Variants in ZFPM1 observed in about 807,000 individuals in gnomAD.
ZFPM1 encodes zinc finger protein ZFPM1.
In ZFPM1, 28 loss-of-function variants were observed where a neutral mutation model predicts 46.3. That is an observed-to-expected ratio of 0.60 (90% CI 0.45 to 0.83). ZFPM1 has a LOEUF of 0.83. ZFPM1 is among the 40% of genes least tolerant of loss of function. ZFPM1 has a pLI of 0.00. For missense variants in ZFPM1, 1,878 were observed against 1,432.4 expected (o/e 1.31, Z -5.02); for synonymous variants, 957 against 675.9 (o/e 1.42, Z -6.45).
rs538681850 is a variant in ZFPM1, at chr16:88,486,039, C to G, written c.141C>G (p.Ser47Arg). 6.2e-7 allele frequency: 1 copy of G among 1,611,380 alleles called. No individual in the cohort carries two copies. The highest frequency in any genetic ancestry group is 8.5e-7 in the Non-Finnish European group (1 of 1,179,478). ...ATAPEAPSPP[S>R]ADVNSPPPLP... ...CACCTGAAGCCCCGAGCCCTCCCAG[C>G]GCAGGTGAGTCAGACTGAGCCCTCT... Residue 47 changes from serine (S) to arginine (R), a missense_variant, in exon 2 of 10, where the codon AGC (serine) becomes AGG (arginine). Transcript: ENST00000319555.
chr16:88,509,982 G>T (rs1328005892), intron 3 of ZFPM1, among the ~76,000 whole-genome samples: 2 of 152,142 alleles, frequency 1.3e-5, no homozygotes, highest in Non-Finnish European at 2.9e-5. Context: ...GAGCCCAGGG[G>T]TGAAGGCCAA....
intron 3 of ZFPM1, among the ~76,000 whole-genome samples, chr16:88,496,134 C>A (rs913281775): frequency 6.6e-6 from 1 of 152,200 alleles, no homozygotes; most frequent in Non-Finnish European, 1.5e-5. Flanking sequence ...CAGTGGCATC[C>A]ACTGCCCTTG....
At chr16:88,473,645 G>A (rs1438580692) in intron 1 of ZFPM1, among the ~76,000 whole-genome samples, 1 of 152,132 alleles carries the variant, frequency 6.6e-6, no homozygotes, top group Non-Finnish European at 1.5e-5. Flanking sequence ...CGTGAGCCGC[G>A]GCCCCCGCCC....
intron 1 of ZFPM1, among the ~76,000 whole-genome samples, chr16:88,472,587 C>T (rs983769922): frequency 6.6e-6 from 1 of 152,124 alleles, no homozygotes; most frequent in Admixed American, 6.5e-5. Flanking sequence ...CTCCTGACCT[C>T]GTGATCTGCC....
chr16:88,494,842 G>A (rs992458751), intron 3 of ZFPM1, among the ~76,000 whole-genome samples: 1 of 152,198 alleles, frequency 6.6e-6, no homozygotes, highest in Non-Finnish European at 1.5e-5. Context: ...CTCGGGTGGA[G>A]GCCACCAGGG....
In ZFPM1 at chr16:88,534,222, C is replaced by T. The variant is rs1913074951; in HGVS notation, c.2264C>T (p.Pro755Leu). 1.0e-6 allele frequency: 1 copy of T among 983,454 alleles called. No homozygotes were observed. Among genetic ancestry groups the T allele is most frequent in the Non-Finnish European group, 1.2e-6 (1 of 830,166 alleles). 60.9% of individuals were successfully genotyped at this position (983,454 alleles called of 1,614,324 possible). ...TACGAGCTGCACGCGGCCGGCGCCC[C>T]GCCCCCCCCGCCGCCCGGCCACGCC... The part of the protein sequence containing the change: ...KLYELHAAGA[P>L]PPPPPGHAPA... Residue 755 changes from proline to leucine, a missense_variant, in exon 10 of 10, where the codon CCG becomes CTG. Coordinates refer to ENST00000319555, the MANE Select transcript of ZFPM1 (RefSeq NM_153813.3).
chr16:88,476,566 G>C (rs908682854), intron 1 of ZFPM1, among the ~76,000 whole-genome samples: 1 of 152,112 alleles, frequency 6.6e-6, no homozygotes, highest in Non-Finnish European at 1.5e-5. Flanking sequence ...AAACCAGGTG[G>C]GAGCTGGGTA....
At chr16:88,505,835 C>A (rs1163498913) in intron 3 of ZFPM1, among the ~76,000 whole-genome samples, 8 of 152,216 alleles carry the variant, frequency 5.3e-5, no homozygotes, top group African/African-American at 1.7e-4. Flanking sequence ...CCACCTCTAG[C>A]AGAGAGAGAG....
chr16:88,493,657 GTGCGGGGAGCTGTCCCGGGT>G (rs1909758742), intron 3 of ZFPM1, among the ~76,000 whole-genome samples: 2 of 127,876 alleles, frequency 1.6e-5, no homozygotes, highest in South Asian at 4.7e-4. Context: ...CTGTCCCGGG[GTGCGGGGAGCTGTCCCGGGT>G]TGCGGAGAGC....
chr16:88,532,737 G>T (rs1245309662), intron 8 of ZFPM1, 28 bp downstream of exon 8: 1 of 1,612,448 alleles, frequency 6.2e-7, no homozygotes, highest in Non-Finnish European at 8.5e-7. Flanking sequence ...CGGGGGGTGT[G>T]TGGGTCCCGC....
rs373994923 is a variant in ZFPM1 at position 88,491,062 on chromosome 16, C to T, written c.268+1909C>T. Among the ~76,000 whole-genome samples the T allele has an allele frequency of 9.9e-5, 15 of 151,706 alleles. No individual in the cohort carries two copies. In the East Asian group the frequency reaches 1.2e-3, roughly 12 times the overall value. On this transcript the variant is annotated intron_variant, in intron 3 of 9. Transcript: ENST00000319555. ...GGTGCCTTCGGGGGTCTCGGTCAGG[C>T]GCTGGTGCCTTCGCGGGTCCCAGTC...
Position 88,533,651 on chromosome 16 carries a change from G to A in ZFPM1, c.1693G>A (p.Ala565Thr). The A allele has an allele frequency of 6.8e-7, 1 of 1,469,344 alleles. No individual in the cohort carries two copies. Among genetic ancestry groups the A allele is most frequent in the Non-Finnish European group, 9.0e-7 (1 of 1,107,678 alleles). The allele number at this position is 1,469,344 out of a possible 1,614,324, so 91.0% of individuals were successfully genotyped here. Residue 565 changes from alanine (A) to threonine (T), a missense_variant, in exon 10 of 10, where the codon GCG (alanine) becomes ACG (threonine). Ala to Thr is a moderately conservative substitution (Grantham distance 58, BLOSUM62 0). Transcript: ENST00000319555. ...QQGAGAGAGG[A>T]QTGLFPGAPK... ...GGGCGCGGGCGCGGGCGCCGGCGGC[G>A]CGCAGACCGGGCTCTTCCCCGGGGC...
chr16:88,473,062 G>A (rs1056472241), intron 1 of ZFPM1, among the ~76,000 whole-genome samples: 7 of 152,280 alleles, frequency 4.6e-5, no homozygotes, highest in Admixed American at 3.3e-4. Flanking sequence ...CCGTGGGACC[G>A]GGCAGCCTCC....
chr16:88,497,635 G>A lies in ZFPM1; in HGVS notation c.268+8482G>A, dbSNP rs564224686. Among the ~76,000 whole-genome samples, 4 of 152,154 alleles carry A rather than the reference G, an allele frequency of 2.6e-5. No homozygotes were observed. The highest frequency in any genetic ancestry group is 6.5e-5 in the Admixed American group (1 of 15,282). ...AAATGGGTACCCTGAAGGGTTTTGTGGGGGGTGTTCGTGCCGTGAGCGATC... is the reference window on the plus strand; with the variant it reads ...AAATGGGTACCCTGAAGGGTTTTGTAGGGGGTGTTCGTGCCGTGAGCGATC... On this transcript the variant is annotated intron_variant, in intron 3 of 9. Transcript: ENST00000319555. This position sits in a 1 kb window ranked among gnomAD's most constrained non-coding sequence, Gnocchi z 5.4.
At chr16:88,457,325 G>T (rs1357567434) in intron 1 of ZFPM1, among the ~76,000 whole-genome samples, 2 of 152,262 alleles carry the variant, frequency 1.3e-5, no homozygotes, top group Non-Finnish European at 2.9e-5. Context: ...GACCCAGAGT[G>T]GTGGCAGAGC....
Position 88,453,560 on chromosome 16 carries a change from C to T in ZFPM1, c.-79C>T, listed in dbSNP as rs1907383865. ...GCCGGGGGCATGAGCGGCCCCGCGG[C>T]CCCGCCGCGCCCCCGCCGCCCGCCG... On this transcript the variant is annotated 5_prime_UTR_variant, in exon 1 of 10. Transcript: ENST00000319555. 1.3e-6 allele frequency: 1 copy of T among 785,382 alleles called. No individual in the cohort carries two copies. The highest frequency in any genetic ancestry group is 1.9e-5 in the African/African-American group (1 of 52,696). 48.7% of individuals were successfully genotyped at this position (785,382 alleles called of 1,614,324 possible).
Position 88,460,953 on chromosome 16 carries a change from CGGGGCGGG to C in ZFPM1, c.40+7276_40+7283del, listed in dbSNP as rs1555522055. The stretch of plus-strand genomic sequence containing the variant: ...GGGAGGCCTGGTGATGACCGAGGGG[CGGGGCGGG>C]AGGCCTGGTGAGGACCGAGGGGAGG... On this transcript the variant is annotated intron_variant, in intron 1 of 9. Transcript: ENST00000319555. 1.0e-3 allele frequency among the ~76,000 whole-genome samples: 12 copies of C among 11,682 alleles called. 1 individual carries two copies. Among genetic ancestry groups the C allele is most frequent in the Middle Eastern group, 0.045 (1 of 22 alleles). The allele number at this position is 11,682 out of a possible 152,430, so 7.7% of individuals were successfully genotyped here.
At chr16:88,486,799 G>A (rs1909256974) in intron 2 of ZFPM1, among the ~76,000 whole-genome samples, 1 of 151,440 alleles carries the variant, frequency 6.6e-6, no homozygotes, top group South Asian at 2.1e-4. Context: ...GTGCACAGTG[G>A]ATGCTGGGTG....
In ZFPM1 at chr16:88,477,958, G is replaced by A. The variant is rs57583082; in HGVS notation, c.41-7981G>A. Among the ~76,000 whole-genome samples the A allele has an allele frequency of 1.2e-3, 170 of 143,788 alleles. 2 individuals carry two copies. The highest frequency in any genetic ancestry group is 0.01 in the Middle Eastern group (3 of 288). The allele number at this position is 143,788 out of a possible 152,430, so 94.3% of individuals were successfully genotyped here. ...CTCCTGGAGCCCACAGCCTGAGGCC[G>A]ACCTCGGAGGGGAGAACAGGGAGAA... On this transcript the variant is annotated intron_variant, in intron 1 of 9. Coordinates refer to ENST00000319555, the MANE Select transcript of ZFPM1 (RefSeq NM_153813.3).
Sources: allele counts gnomAD v4.1 joint callset (sites outside exome capture counted in the v4.1 genomes callset), GRCh38; gene constraint gnomAD v4.1.1; non-coding constraint Gnocchi (gnomAD v3.1); transcripts MANE v1.5; gene names NCBI Gene and HGNC (gene_info 2026-07-23, HGNC 2026-07-21).